The following DYNC2LI1 variants were observed in gnomAD, a reference collection of about 807,000 sequenced individuals.
The protein encoded by DYNC2LI1 is dynein cytoplasmic 2 light intermediate chain 1, also known as cytoplasmic dynein 2 light intermediate chain 1.
A neutral mutation model predicts 51.9 loss-of-function variants in DYNC2LI1; 45 were observed. The ratio of observed to expected loss-of-function variants is 0.87; its 90% confidence interval spans 0.68 to 1.11. The LOEUF is 1.11. Among genes scored for constraint, DYNC2LI1 ranks in the 50% most tolerant of loss-of-function variants. The pLI is 0.00. For missense variants in DYNC2LI1, 490 were observed against 417.4 expected (o/e 1.17, Z -1.51); for synonymous variants, 130 against 137.8 (o/e 0.94, Z 0.40).
intron 2 of DYNC2LI1, among the ~76,000 whole-genome samples, chr2:43,780,140 A>G (rs1003332339): frequency 1.3e-5 from 2 of 152,194 alleles, no homozygotes; most frequent in African/African-American, 4.8e-5. Flanking sequence ...ACTAAGGTCA[A>G]AGAGTTATTA....
At chr2:43,786,428 C>T (rs1002600916) in intron 3 of DYNC2LI1, among the ~76,000 whole-genome samples, 1 of 152,066 alleles carries the variant, frequency 6.6e-6, no homozygotes, top group Non-Finnish European at 1.5e-5. Context: ...GCAATTTACT[C>T]GCCTCAGCCT....
At chr2:43,813,709 G>GT (rs1214033245), downstream of DYNC2LI1, among the ~76,000 whole-genome samples, 2,101 of 33,980 alleles carry the variant, frequency 0.062, 558 homozygotes, top group Middle Eastern at 0.12. Flanking sequence ...TTTTTTTTTC[G>GT]TTTTTTTTTT....
the DYNC2LI1 span, chr2:43,828,113 C>T: frequency 1.2e-6 from 2 of 1,614,006 alleles, no homozygotes; most frequent in East Asian, 2.2e-5. Context: ...TGACGGCCTC[C>T]ACCTGCAGGA....
intron 1 of DYNC2LI1, chr2:43,775,568 G>T: frequency 4.6e-6 from 1 of 215,270 alleles, no homozygotes. Context: ...ATGTCAACAT[G>T]CTTACTGCAG....
rs997625527 is a variant in DYNC2LI1, at chr2:43,795,148, A to T, written c.507+505A>T. 6.1e-6 allele frequency: 6 copies of T among 991,600 alleles called. No homozygotes were observed. In the South Asian group the frequency reaches 2.3e-4, roughly 38 times the overall value. The allele number at this position is 991,600 out of a possible 1,614,324, so 61.4% of individuals were successfully genotyped here. ...GCTATGATGGTAACACAAGTTCTTC[A>T]AATACAATAATAAATATCATCATCT... On this transcript the variant is annotated intron_variant, in intron 6 of 12. Coordinates refer to ENST00000260605, the MANE Select transcript of DYNC2LI1 (RefSeq NM_016008.4).
At position 43,787,227 on chromosome 2, in the gene DYNC2LI1, A is replaced by G; in HGVS notation, c.208A>G (p.Arg70Gly). The change falls in exon 4 of 13, where the codon AGA becomes GGA. Residue 70 changes from arginine to glycine, a missense_variant. Coordinates refer to ENST00000260605, the MANE Select transcript of DYNC2LI1 (RefSeq NM_016008.4). ...CTTAGCTTTGGAATATACATATGGA[A>G]GAAGAGCAAAAGGGCACAACACAGT... ...PTLALEYTYG[R>G]RAKGHNTPKD... 1 of 1,613,454 alleles carries G rather than the reference A, an allele frequency of 6.2e-7. No individual in the cohort carries two copies. The highest frequency in any genetic ancestry group is 8.5e-7 in the Non-Finnish European group (1 of 1,179,598).
chr2:43,795,886 G>T lies in DYNC2LI1; in HGVS notation c.508-4G>T. 1 of 1,609,114 alleles carries T rather than the reference G, an allele frequency of 6.2e-7. No homozygotes were observed. Among genetic ancestry groups the T allele is most frequent in the Non-Finnish European group, 8.5e-7 (1 of 1,175,826 alleles). ...ACAACTCAAGGAAATATGTTTATTA[G>T]CAGGATCATGAATTAATTGACCCAT... On this transcript the variant is annotated splice_polypyrimidine_tract_variant and splice_region_variant and intron_variant, in intron 6 of 12. Transcript: ENST00000260605.
At chr2:43,786,483 AG>A (rs1279327755) in intron 3 of DYNC2LI1, among the ~76,000 whole-genome samples, 2 of 152,076 alleles carry the variant, frequency 1.3e-5, no homozygotes, top group Non-Finnish European at 2.9e-5. Context: ...TGCCTGGCCA[AG>A]TCTTGCATTG....
At chr2:43,811,998 G>A (rs952846420), downstream of DYNC2LI1, among the ~76,000 whole-genome samples, 1 of 152,112 alleles carries the variant, frequency 6.6e-6, no homozygotes, top group Non-Finnish European at 1.5e-5. Context: ...TCAAGAATGT[G>A]AATTTCTAGT....
rs1673687452 is a variant in DYNC2LI1, at chr2:43,789,655, G to C, written c.254G>C (p.Trp85Ser). The C allele has an allele frequency of 3.1e-6, 5 of 1,613,622 alleles. No homozygotes were observed. The highest frequency in any genetic ancestry group is 3.4e-6 in the Non-Finnish European group (4 of 1,179,816). Reference protein sequence around the residue: ...HNTPKDIAHFWELGGGTSLLD... With the variant: ...HNTPKDIAHFSELGGGTSLLD... Reference sequence around the variant, plus strand: ...CAGCCAAAAGATATCGCTCACTTTTGGGAACTCGGTGGAGGAACCTCTTTA... The same window carrying C: ...CAGCCAAAAGATATCGCTCACTTTTCGGAACTCGGTGGAGGAACCTCTTTA... Residue 85 changes from tryptophan (W) to serine (S), a missense_variant, in exon 5 of 13, where the codon TGG (tryptophan) becomes TCG (serine). Coordinates refer to ENST00000260605, the MANE Select transcript of DYNC2LI1 (RefSeq NM_016008.4).
At chr2:43,819,570 A>G in the DYNC2LI1 span, among the ~76,000 whole-genome samples, 14 of 152,226 alleles carry the variant, frequency 9.2e-5, no homozygotes, top group East Asian at 2.7e-3. Context: ...CAGGTCAGAA[A>G]TGAACTAATG....
intron 12 of DYNC2LI1, 50 bp downstream of exon 12, chr2:43,805,296 C>T (rs1428964129): frequency 1.7e-6 from 2 of 1,193,146 alleles, no homozygotes; most frequent in Non-Finnish European, 2.5e-6. Flanking sequence ...TAACACAAAA[C>T]CTGGGGTGCC....
chr2:43,825,022 AC>A, the DYNC2LI1 span: 1 of 1,613,566 alleles, frequency 6.2e-7, no homozygotes, highest in Non-Finnish European at 8.5e-7. Flanking sequence ...CAAAGAGCTG[AC>A]CAGACAACAG....
chr2:43,808,082 T>A (rs989496320), intron 12 of DYNC2LI1, among the ~76,000 whole-genome samples: 2 of 152,180 alleles, frequency 1.3e-5, no homozygotes, highest in Admixed American at 6.6e-5. Flanking sequence ...TAACTTCCAG[T>A]TAAAGACAAA....
intron 4 of DYNC2LI1, among the ~76,000 whole-genome samples, chr2:43,789,286 A>G (rs1007865248): frequency 1.3e-5 from 2 of 152,236 alleles, no homozygotes; most frequent in Admixed American, 6.5e-5. Flanking sequence ...TTTCCAAAAG[A>G]TAATACGAAA....
chr2:43,787,296 G>A, intron 4 of DYNC2LI1, 46 bp downstream of exon 4: 1 of 1,461,620 alleles, frequency 6.8e-7, no homozygotes, highest in Non-Finnish European at 9.6e-7. Flanking sequence ...AGATGGGAAA[G>A]TAATGCTGCT....
At chr2:43,802,812 A>G (rs1475928797) in intron 10 of DYNC2LI1, among the ~76,000 whole-genome samples, 1 of 152,196 alleles carries the variant, frequency 6.6e-6, no homozygotes, top group Admixed American at 6.5e-5. Flanking sequence ...AGAATATATA[A>G]ACTCAACAGA....
chr2:43,800,197 A>G (rs944233323), intron 8 of DYNC2LI1, among the ~76,000 whole-genome samples: 2 of 152,200 alleles, frequency 1.3e-5, no homozygotes, highest in Non-Finnish European at 2.9e-5. Context: ...ATCTGATGTC[A>G]CAGCTTAATT....
At chr2:43,777,297 G>C (rs1049830937) in intron 2 of DYNC2LI1, among the ~76,000 whole-genome samples, 1 of 152,144 alleles carries the variant, frequency 6.6e-6, no homozygotes, top group Non-Finnish European at 1.5e-5. Flanking sequence ...ATTTGTTACA[G>C]GGTTATTAAT....
Sources: allele counts gnomAD v4.1 joint callset (sites outside exome capture counted in the v4.1 genomes callset), GRCh38; gene constraint gnomAD v4.1.1; transcripts MANE v1.5; gene names NCBI Gene and HGNC (gene_info 2026-07-23, HGNC 2026-07-21).